Variants in GPC6 observed in about 807,000 individuals in gnomAD.
GPC6 encodes the protein glypican 6, also known as glypican-6.
A neutral mutation model predicts 55.2 loss-of-function variants in GPC6; 14 were observed. That is an observed-to-expected ratio of 0.25 (90% CI 0.17 to 0.40). The LOEUF (loss-of-function observed/expected upper bound fraction) is 0.40, where lower values mean the gene tolerates loss of function less well. Among genes scored for constraint, GPC6 ranks in the 10% least tolerant of loss-of-function variants. GPC6 has a pLI of 1.00. For missense variants in GPC6, 641 were observed against 708.5 expected, an observed-to-expected ratio of 0.90 and a Z score of 1.08; for synonymous variants, 278 against 259.6, an observed-to-expected ratio of 1.07 and a Z score of -0.68.
intron 6 of GPC6, among the ~76,000 whole-genome samples, chr13:94,335,854 C>T (rs1287799344): frequency 2.6e-5 from 4 of 151,846 alleles, no homozygotes; most frequent in African/African-American, 4.8e-5. Flanking sequence ...CCTCATCGTT[C>T]TCTTCCTGTC....
chr13:93,253,345 C>A (rs185023639), intron 1 of GPC6, among the ~76,000 whole-genome samples: 1 of 152,168 alleles, frequency 6.6e-6, no homozygotes, highest in Non-Finnish European at 1.5e-5. Flanking sequence ...TACATAGAAA[C>A]CACTTGTAAT....
intron 6 of GPC6, among the ~76,000 whole-genome samples, chr13:94,350,110 G>T (rs1469633509): frequency 7.0e-6 from 1 of 143,818 alleles, no homozygotes; most frequent in Non-Finnish European, 1.5e-5. Context: ...TGCAGTGTGT[G>T]TGTAAACCTT....
At chr13:94,038,207 A>C (rs1566321055) in intron 4 of GPC6, among the ~76,000 whole-genome samples, 1 of 151,950 alleles carries the variant, frequency 6.6e-6, no homozygotes, top group Non-Finnish European at 1.5e-5. Context: ...ATTTTAATTA[A>C]ATTTCAATCA....
chr13:94,356,865 G>A (rs984512009), intron 6 of GPC6, among the ~76,000 whole-genome samples: 1 of 152,022 alleles, frequency 6.6e-6, no homozygotes, highest in Admixed American at 6.6e-5. Flanking sequence ...TTGCACCACT[G>A]GACTCTGGCC....
chr13:93,223,669 C>A (rs1293544590), upstream of GPC6, among the ~76,000 whole-genome samples: 1 of 152,060 alleles, frequency 6.6e-6, no homozygotes, highest in Non-Finnish European at 1.5e-5. Flanking sequence ...GTCTCTAACT[C>A]CGAAGCTCAG....
chr13:93,611,572 A>G (rs185934502), intron 2 of GPC6, among the ~76,000 whole-genome samples: 338 of 152,262 alleles, frequency 2.2e-3, no homozygotes, highest in South Asian at 8.1e-3. Flanking sequence ...AGCAAAATGT[A>G]GTCTCATCCC....
At chr13:94,057,186 G>A (rs566586341) in intron 4 of GPC6, among the ~76,000 whole-genome samples, 3 of 152,298 alleles carry the variant, frequency 2.0e-5, no homozygotes, top group East Asian at 3.9e-4. Context: ...CAACTTGTTA[G>A]CTCTATGATT....
intron 6 of GPC6, among the ~76,000 whole-genome samples, chr13:94,320,585 ACTGGCTCGTC>A (rs1876769026): frequency 6.6e-6 from 1 of 152,186 alleles, no homozygotes; most frequent in Non-Finnish European, 1.5e-5. Context: ...GGTTAGTGAT[ACTGGCTCGTC>A]ACTTTAGGGA....
chr13:94,377,937 A>T (rs1176514017), intron 6 of GPC6, among the ~76,000 whole-genome samples: 1 of 152,212 alleles, frequency 6.6e-6, no homozygotes, highest in African/African-American at 2.4e-5. Flanking sequence ...TCAGTAAACT[A>T]TCACAAGAAC....
At chr13:93,753,648 C>A (rs1180723549) in intron 2 of GPC6, among the ~76,000 whole-genome samples, 2 of 152,090 alleles carry the variant, frequency 1.3e-5, no homozygotes, top group Non-Finnish European at 2.9e-5. Flanking sequence ...TATAATCACC[C>A]AGTTTTGCTA....
chr13:93,926,548 A>G (rs1877868335), intron 3 of GPC6, among the ~76,000 whole-genome samples: 1 of 152,180 alleles, frequency 6.6e-6, no homozygotes, highest in African/African-American at 2.4e-5. Context: ...GTAGCTTTCA[A>G]TTTGCATCTT....
chr13:93,708,265 T>A (rs1175383885), intron 2 of GPC6, among the ~76,000 whole-genome samples: 1 of 151,788 alleles, frequency 6.6e-6, no homozygotes, highest in Non-Finnish European at 1.5e-5. Flanking sequence ...TGTCATATAT[T>A]TTGTTTTATT....
At chr13:93,379,061 A>T (rs1311054228) in intron 1 of GPC6, among the ~76,000 whole-genome samples, 1 of 152,048 alleles carries the variant, frequency 6.6e-6, no homozygotes, top group East Asian at 1.9e-4. Flanking sequence ...ACAATAAATT[A>T]TACAGCTCAA....
intron 1 of GPC6, among the ~76,000 whole-genome samples, chr13:93,258,819 A>G (rs1173337449): frequency 6.6e-6 from 1 of 152,066 alleles, no homozygotes; most frequent in Non-Finnish European, 1.5e-5. Flanking sequence ...GTGTGATGCC[A>G]TGTGCCTGTA....
chr13:93,371,843 G>C (rs777646643), intron 1 of GPC6, among the ~76,000 whole-genome samples: 3 of 152,042 alleles, frequency 2.0e-5, no homozygotes, highest in African/African-American at 7.2e-5. Context: ...CTTAGGAATA[G>C]AGACCTCAGT....
At chr13:94,270,335 C>T (rs1891952351) in intron 4 of GPC6, among the ~76,000 whole-genome samples, 1 of 152,028 alleles carries the variant, frequency 6.6e-6, no homozygotes, top group African/African-American at 2.4e-5. Context: ...ATCTAAAAAG[C>T]CAACAATAAG....
intron 6 of GPC6, among the ~76,000 whole-genome samples, chr13:94,333,932 A>T (rs1001894246): frequency 6.6e-6 from 1 of 152,216 alleles, no homozygotes; most frequent in African/African-American, 2.4e-5. Flanking sequence ...GGGTGTACAG[A>T]GAGCAGAGAA....
chr13:93,543,696 G>A (rs1882421805), intron 1 of GPC6, among the ~76,000 whole-genome samples: 1 of 152,034 alleles, frequency 6.6e-6, no homozygotes, highest in African/African-American at 2.4e-5. Flanking sequence ...GTGTACTTAT[G>A]CCACATTTTC....
chr13:94,047,098 C>T (rs894946862), intron 4 of GPC6, among the ~76,000 whole-genome samples: 1 of 152,066 alleles, frequency 6.6e-6, no homozygotes, highest in Non-Finnish European at 1.5e-5. Flanking sequence ...GTACTAGTTT[C>T]TCTACTTCAG....
Sources: allele counts gnomAD v4.1 joint callset (sites outside exome capture counted in the v4.1 genomes callset), GRCh38; gene constraint gnomAD v4.1.1; transcripts MANE v1.5; gene names NCBI Gene and HGNC (gene_info 2026-07-23, HGNC 2026-07-21).